TSHZ2: variants seen among roughly 807,000 people sequenced by gnomAD.
TSHZ2 encodes the protein teashirt zinc finger homeobox 2, also known as teashirt homolog 2.
TSHZ2 carries 21 observed loss-of-function variants against 74.4 expected under a neutral mutation model. The ratio of observed to expected loss-of-function variants is 0.28; its 90% CI spans 0.20 to 0.41. The LOEUF (loss-of-function observed/expected upper bound fraction) is 0.41, where lower values mean the gene tolerates loss of function less well. Ranked by LOEUF, TSHZ2 falls within the 10% of genes least tolerant of loss-of-function variation. TSHZ2 has a pLI of 1.00. For synonymous variants in TSHZ2, 540 were observed against 515.3 expected, an observed-to-expected ratio of 1.05 and a Z score of -0.65; for missense variants, 1,244 against 1,293.5, an observed-to-expected ratio of 0.96 and a Z score of 0.59.
At chr20:53,037,331 A>G (rs1304877344) in intron 1 of TSHZ2, among the ~76,000 whole-genome samples, 2 of 152,172 alleles carry the variant, frequency 1.3e-5, no homozygotes, top group Non-Finnish European at 2.9e-5. Flanking sequence ...CCTAAGTCAA[A>G]CTGTGGCTTA....
intron 2 of TSHZ2, among the ~76,000 whole-genome samples, chr20:53,404,915 G>C (rs575555694): frequency 6.6e-6 from 1 of 152,162 alleles, no homozygotes; most frequent in African/African-American, 2.4e-5. Flanking sequence ...TCTATTATCT[G>C]ACTGCTTCTG....
intron 2 of TSHZ2, among the ~76,000 whole-genome samples, chr20:53,328,701 C>T (rs1012278172): frequency 2.0e-5 from 3 of 152,148 alleles, no homozygotes; most frequent in Non-Finnish European, 4.4e-5. Flanking sequence ...CCAGGAAGCT[C>T]ATATACGAAG....
At chr20:53,321,695 A>G (rs1979273239) in intron 2 of TSHZ2, among the ~76,000 whole-genome samples, 1 of 149,720 alleles carries the variant, frequency 6.7e-6, no homozygotes, top group Non-Finnish European at 1.5e-5. Flanking sequence ...AAAAAAAAAA[A>G]AAAAAGAAAG....
intron 2 of TSHZ2, among the ~76,000 whole-genome samples, chr20:53,363,428 A>G (rs540890290): frequency 6.6e-6 from 1 of 152,316 alleles, no homozygotes; most frequent in South Asian, 2.1e-4. Context: ...ATTTTGTTCA[A>G]TGCCAAGGAG....
chr20:53,436,539 A>T (rs6126839), intron 2 of TSHZ2, among the ~76,000 whole-genome samples: 11,409 of 88,304 alleles, frequency 0.13, 1,317 homozygotes, highest in East Asian at 0.19. Flanking sequence ...TATTATTATT[A>T]TTATTATTAT....
intron 2 of TSHZ2, among the ~76,000 whole-genome samples, chr20:53,404,457 A>C (rs980787092): frequency 1.3e-5 from 2 of 152,216 alleles, no homozygotes; most frequent in African/African-American, 4.8e-5. Context: ...TCAGACATTT[A>C]AATTCAAGTG....
intron 2 of TSHZ2, among the ~76,000 whole-genome samples, chr20:53,420,487 G>A (rs943785899): frequency 2.0e-5 from 3 of 152,172 alleles, no homozygotes; most frequent in Non-Finnish European, 4.4e-5. Context: ...CCCAGCACAT[G>A]AGGCCAAAGC....
In TSHZ2 at chr20:53,409,183, G is replaced by A. The variant is rs542361850; in HGVS notation, c.*9-77961G>A. Among the ~76,000 whole-genome samples the A allele has an allele frequency of 3.9e-5, 6 of 151,940 alleles. No individual in the cohort carries two copies. The East Asian group carries it at 5.8e-4, about 15-fold the overall frequency. ...ACTCCAGAATGATGACACTAATAAG[G>A]AAATTACAAAAGGCCCAACAAATGG... On this transcript the variant is annotated intron_variant, in intron 2 of 2. Transcript: ENST00000371497.
Position 53,254,604 on chromosome 20 carries a change from C to T in TSHZ2, c.1146C>T (p.Cys382=), listed in dbSNP as rs752017545. ...CCTGCAAGTCCCAGATCTTAAAGTGCATGGAGTGTGGGAGCTCCCATGACA... is the reference window on the plus strand; with the variant it reads ...CCTGCAAGTCCCAGATCTTAAAGTGTATGGAGTGTGGGAGCTCCCATGACA... ...FEACKSQILK[C]MECGSSHDTL... Residue 382 remains cysteine (C), a synonymous_variant, in exon 2 of 3, where the codon TGC becomes TGT. Coordinates refer to ENST00000371497, the MANE Select transcript of TSHZ2 (RefSeq NM_173485.6). The T allele has an allele frequency of 4.3e-6, 7 of 1,612,890 alleles. No homozygotes were observed. Among genetic ancestry groups the T allele is most frequent in the East Asian group, 4.5e-5 (2 of 44,848 alleles).
chr20:53,141,342 T>G (rs1987397245), intron 1 of TSHZ2, among the ~76,000 whole-genome samples: 1 of 152,142 alleles, frequency 6.6e-6, no homozygotes. Context: ...CACTTCCTCA[T>G]TAGTTCTTAG....
chr20:53,416,292 A>G (rs1983251210), intron 2 of TSHZ2, among the ~76,000 whole-genome samples: 2 of 152,250 alleles, frequency 1.3e-5, no homozygotes, highest in Non-Finnish European at 1.5e-5. Flanking sequence ...GTGGAGCAAC[A>G]GAGATCCAAA....
At chr20:53,103,732 T>C (rs1161472134) in intron 1 of TSHZ2, among the ~76,000 whole-genome samples, 1 of 152,218 alleles carries the variant, frequency 6.6e-6, no homozygotes, top group Non-Finnish European at 1.5e-5. Flanking sequence ...TTGCTGTTTA[T>C]ACGAAGCTGG....
At chr20:53,413,981 A>G (rs369758594) in intron 2 of TSHZ2, among the ~76,000 whole-genome samples, 3 of 152,178 alleles carry the variant, frequency 2.0e-5, no homozygotes. Context: ...ATCTCTACTA[A>G]AACTACAAAA....
Position 53,254,099 on chromosome 20 carries a change from G to A in TSHZ2, c.641G>A (p.Arg214Lys), listed in dbSNP as rs1990400514. The A allele has an allele frequency of 1.2e-6, 2 of 1,614,164 alleles. No individual in the cohort carries two copies. Among genetic ancestry groups the A allele is most frequent in the Non-Finnish European group, 1.7e-6 (2 of 1,180,038 alleles). The change falls in exon 2 of 3, where the codon AGA (arginine) becomes AAA (lysine). Residue 214 changes from arginine to lysine, a missense_variant. This residue lies in a region of TSHZ2 where 470 missense variants were observed against 456.5 expected (regional missense o/e 1.03). Transcript: ENST00000371497. Reference protein sequence around the residue: ...MCGTVFTGASRFRCRQCSAAY... With the variant: ...MCGTVFTGASKFRCRQCSAAY... ...GGGACTGTGTTCACAGGGGCCAGCAGATTCCGATGCCGACAGTGCAGCGCG... is the reference window on the plus strand; with the variant it reads ...GGGACTGTGTTCACAGGGGCCAGCAAATTCCGATGCCGACAGTGCAGCGCG...
chr20:53,085,393 A>G (rs1985669105), intron 1 of TSHZ2, among the ~76,000 whole-genome samples: 1 of 152,016 alleles, frequency 6.6e-6, no homozygotes, highest in Non-Finnish European at 1.5e-5. Context: ...AGAGAGAGAA[A>G]GAAAGAAAGA....
chr20:53,109,255 TAGA>T (rs1387006277), intron 1 of TSHZ2, among the ~76,000 whole-genome samples: 1 of 152,224 alleles, frequency 6.6e-6, no homozygotes, highest in South Asian at 2.1e-4. Context: ...CTAAAGCTCT[TAGA>T]AGATTATTGG....
chr20:53,095,626 A>G (rs1445242339), intron 1 of TSHZ2, among the ~76,000 whole-genome samples: 1 of 152,170 alleles, frequency 6.6e-6, no homozygotes, highest in African/African-American at 2.4e-5. Flanking sequence ...TTCACCTTCT[A>G]CTGCAGGATT....
intron 2 of TSHZ2, among the ~76,000 whole-genome samples, chr20:53,275,459 T>G (rs1193058520): frequency 6.6e-6 from 1 of 151,974 alleles, no homozygotes; most frequent in Non-Finnish European, 1.5e-5. Flanking sequence ...TACATGGCAT[T>G]AACTGGGGAG....
intron 1 of TSHZ2, among the ~76,000 whole-genome samples, chr20:53,089,544 T>C (rs768932588): frequency 6.7e-4 from 102 of 152,258 alleles, no homozygotes; most frequent in Middle Eastern, 3.4e-3. Context: ...TGGGATAACA[T>C]AGTGACTGAG....
Sources: allele counts gnomAD v4.1 joint callset (sites outside exome capture counted in the v4.1 genomes callset), GRCh38; gene constraint gnomAD v4.1.1; regional missense constraint gnomAD v4.1.1; transcripts MANE v1.5; gene names NCBI Gene and HGNC (gene_info 2026-07-23, HGNC 2026-07-21).